The following TP63 variants were observed in gnomAD, a reference collection of about 807,000 sequenced individuals.
TP63 encodes tumor protein p63.
In TP63, 17 loss-of-function variants were observed where a neutral mutation model predicts 82.8. The observed-to-expected ratio is 0.21, with a 90% CI of 0.14 to 0.31. The LOEUF is 0.31. Among genes scored for constraint, TP63 ranks in the 10% least tolerant of loss-of-function variants. The pLI is 1.00. For synonymous variants in TP63, 330 were observed against 321.7 expected (o/e 1.03, Z -0.28); for missense variants, 648 against 895.3 (o/e 0.72, Z 3.52).
chr3:189,881,508 T>G, intron 10 of TP63: 1 of 985,396 alleles, frequency 1.0e-6, no homozygotes, highest in Non-Finnish European at 1.2e-6. Flanking sequence ...CTTGCAGTTT[T>G]TTTGTTTCTG....
intron 1 of TP63, among the ~76,000 whole-genome samples, chr3:189,731,202 AGC>A (rs1275927975): frequency 1.3e-5 from 2 of 152,090 alleles, no homozygotes; most frequent in Admixed American, 6.5e-5. Context: ...AAATTAGCCG[AGC>A]ACAGTGGTGC....
At chr3:189,662,499 C>T (rs1206694537) in intron 1 of TP63, among the ~76,000 whole-genome samples, 1 of 151,890 alleles carries the variant, frequency 6.6e-6, no homozygotes, top group East Asian at 1.9e-4. Context: ...GTGTACATTC[C>T]TCTAATCTGC....
At chr3:189,609,616 A>C in the TP63 span, among the ~76,000 whole-genome samples, 45,284 of 151,888 alleles carry the variant, frequency 0.3, 7,664 homozygotes, top group Middle Eastern at 0.48. Context: ...TCCCCTTATA[A>C]GTGAGAACAT....
In TP63 at chr3:189,737,767, T is replaced by C. The variant is rs1720701373; in HGVS notation, c.90T>C (p.Ser30=). 1 of 1,613,988 alleles carries C rather than the reference T, an allele frequency of 6.2e-7. No homozygotes were observed. Among genetic ancestry groups the C allele is most frequent in the African/African-American group, 1.3e-5 (1 of 75,046 alleles). ...TCGTAGAAACCCCAGCTCATTTCTC[T>C]TGGAAAGAAAGTTATTACCGATCCA... ...QRFVETPAHF[S]WKESYYRSTM... The change falls in exon 2 of 14, where the codon TCT becomes TCC. Residue 30 remains serine (S), a synonymous_variant. Transcript: ENST00000264731.
intron 4 of TP63, among the ~76,000 whole-genome samples, chr3:189,842,721 T>C (rs1354958925): frequency 6.6e-6 from 1 of 152,196 alleles, no homozygotes; most frequent in Non-Finnish European, 1.5e-5. Context: ...TTTCAACTTT[T>C]GAGCTCCTGT....
chr3:189,830,141 A>G (rs1336995544), intron 4 of TP63: 3 of 169,204 alleles, frequency 1.8e-5, no homozygotes, highest in Non-Finnish European at 4.2e-5. Context: ...GGTTATAGAA[A>G]CACAGTTCAA....
chr3:189,739,600 T>G (rs1471920986), intron 3 of TP63, among the ~76,000 whole-genome samples: 1 of 152,178 alleles, frequency 6.6e-6, no homozygotes, highest in Admixed American at 6.5e-5. Context: ...AGGCTTTTCT[T>G]GGCTATACCA....
intron 1 of TP63, among the ~76,000 whole-genome samples, chr3:189,638,227 T>G: frequency 6.6e-6 from 1 of 152,176 alleles, no homozygotes; most frequent in African/African-American, 2.4e-5. Context: ...ATTGTAGATA[T>G]GGACACTAGA....
At chr3:189,672,515 T>G (rs1714976438) in intron 1 of TP63, among the ~76,000 whole-genome samples, 1 of 151,840 alleles carries the variant, frequency 6.6e-6, no homozygotes, top group Non-Finnish European at 1.5e-5. Context: ...GATGGGAGGA[T>G]TACTTGAACC....
intron 3 of TP63, among the ~76,000 whole-genome samples, chr3:189,772,990 C>T (rs141426807): frequency 1.3e-5 from 2 of 152,274 alleles, no homozygotes; most frequent in Admixed American, 6.5e-5. Context: ...ACAACGGGGT[C>T]TTTCCTTTTA....
rs903443623 is a variant in TP63, at chr3:189,656,208, T to A, written c.62+24631T>A. Among the ~76,000 whole-genome samples, 8 of 152,236 alleles carry A rather than the reference T, an allele frequency of 5.3e-5. 1 individual carries two copies. Among genetic ancestry groups the A allele is most frequent in the African/African-American group, 1.9e-4 (8 of 41,564 alleles). The stretch of plus-strand genomic sequence containing the variant: ...CAGGGTGAAATGAATTACATCAATA[T>A]CACATGGGATGAGAGAAGAATTGGG... On this transcript the variant is annotated intron_variant, in intron 1 of 13. Coordinates refer to ENST00000264731, the MANE Select transcript of TP63 (RefSeq NM_003722.5).
chr3:189,881,385 A>T (rs1719897577), intron 10 of TP63: 1 of 985,394 alleles, frequency 1.0e-6, no homozygotes, highest in Non-Finnish European at 1.2e-6. Context: ...TCCCACACCC[A>T]GTCACCAGCA....
At chr3:189,628,061 C>T (rs1729359286), upstream of TP63, among the ~76,000 whole-genome samples, 1 of 152,090 alleles carries the variant, frequency 6.6e-6, no homozygotes, top group Non-Finnish European at 1.5e-5. Flanking sequence ...CAAGCCTGCC[C>T]TCAAGCTGTT....
At chr3:189,668,514 G>C (rs760255749) in intron 1 of TP63, among the ~76,000 whole-genome samples, 6 of 151,998 alleles carry the variant, frequency 3.9e-5, no homozygotes, top group Non-Finnish European at 7.4e-5. Flanking sequence ...ATCCATATGA[G>C]CTTTACAGAT....
intron 4 of TP63, among the ~76,000 whole-genome samples, chr3:189,854,587 T>C (rs1430967042): frequency 6.6e-6 from 1 of 152,156 alleles, no homozygotes; most frequent in Non-Finnish European, 1.5e-5. Flanking sequence ...AAAATTAAAC[T>C]AAATTGGACA....
chr3:189,869,180 C>G, intron 8 of TP63, 144 bp from the exon 9 acceptor site: 1 of 699,690 alleles, frequency 1.4e-6, no homozygotes, highest in Non-Finnish European at 2.4e-6. Context: ...AGCCTCTAAT[C>G]TTACATGTGT....
intron 3 of TP63, among the ~76,000 whole-genome samples, chr3:189,760,587 G>T (rs1722494625): frequency 6.6e-6 from 1 of 152,170 alleles, no homozygotes; most frequent in Non-Finnish European, 1.5e-5. Context: ...CTTCCCTCCT[G>T]GCTGCCTTCA....
At chr3:189,632,712 C>G (rs536032974) in intron 1 of TP63, among the ~76,000 whole-genome samples, 2 of 152,024 alleles carry the variant, frequency 1.3e-5, no homozygotes, top group Admixed American at 1.3e-4. Context: ...TGGCTTGATT[C>G]GTGTCTTGCT....
At chr3:189,810,387 T>C (rs1172105229) in intron 4 of TP63, among the ~76,000 whole-genome samples, 1 of 152,228 alleles carries the variant, frequency 6.6e-6, no homozygotes, top group Admixed American at 6.5e-5. Context: ...CCGCCAGGTC[T>C]CCATTATATT....
Sources: allele counts gnomAD v4.1 joint callset (sites outside exome capture counted in the v4.1 genomes callset), GRCh38; gene constraint gnomAD v4.1.1; transcripts MANE v1.5; gene names NCBI Gene and HGNC (gene_info 2026-07-23, HGNC 2026-07-21).